NOVA1: variants seen among roughly 807,000 people sequenced by gnomAD.
The protein encoded by NOVA1 is RNA-binding protein Nova-1.
A neutral mutation model predicts 38.0 loss-of-function variants in NOVA1; 7 were observed. The ratio of observed to expected loss-of-function variants is 0.18; its 90% CI spans 0.10 to 0.35. The LOEUF (loss-of-function observed/expected upper bound fraction) is 0.35. Among genes scored for constraint, NOVA1 ranks in the 10% least tolerant of loss-of-function variants. The pLI, the probability that NOVA1 is intolerant of heterozygous loss-of-function variation, is 1.00. For missense variants in NOVA1, 460 were observed against 616.0 expected (o/e 0.75, Z 2.68); for synonymous variants, 270 against 232.5 (o/e 1.16, Z -1.47).
intron 2 of NOVA1, among the ~76,000 whole-genome samples, chr14:26,505,411 T>C (rs1168900181): frequency 6.6e-6 from 1 of 152,092 alleles, no homozygotes; most frequent in African/African-American, 2.4e-5. Flanking sequence ...CCCACTTCTC[T>C]CTCTCTCCTG....
At chr14:26,479,783 T>C in intron 3 of NOVA1, 194 bp downstream of exon 3, 1 of 483,706 alleles carries the variant, frequency 2.1e-6, no homozygotes, top group Non-Finnish European at 3.5e-6. Flanking sequence ...AATGAATAAT[T>C]CAATTGATCA....
rs1884233295 is a variant in NOVA1, at chr14:26,467,417, T to C, written c.519+4903A>G. 2.6e-5 allele frequency among the ~76,000 whole-genome samples: 4 copies of C among 152,068 alleles called. No homozygotes were observed. In the South Asian group the frequency reaches 8.3e-4, roughly 31 times the overall value. ...GGCGGAGGCAAAAATTTGACTGAAG[T>C]GGATTTAAGAATGGGAATACAGACA... On this transcript the variant is annotated intron_variant, in intron 4 of 4. Transcript: ENST00000539517.
rs1049951998 is a variant in NOVA1, at chr14:26,445,424, T to C, written c.*2535A>G. Reference sequence around the variant, plus strand: ...ATAAATTAAAATGTAATATCTTCAATTTAGCTTTCAGTTTTAACTAACATA... The same window carrying C: ...ATAAATTAAAATGTAATATCTTCAACTTAGCTTTCAGTTTTAACTAACATA... On this transcript the variant is annotated 3_prime_UTR_variant, in exon 5 of 5. Coordinates refer to ENST00000539517, the MANE Select transcript of NOVA1 (RefSeq NM_002515.3). The C allele has an allele frequency of 6.6e-6, 1 of 152,208 alleles. No individual in the cohort carries two copies. Among genetic ancestry groups the C allele is most frequent in the Non-Finnish European group, 1.5e-5 (1 of 68,034 alleles). 9.4% of individuals were successfully genotyped at this position (152,208 alleles called of 1,614,324 possible).
intron 2 of NOVA1, among the ~76,000 whole-genome samples, chr14:26,545,145 G>A (rs1890712112): frequency 6.6e-6 from 1 of 151,986 alleles, no homozygotes; most frequent in Admixed American, 6.6e-5. Context: ...AAATAAGACA[G>A]GCTCCACCCT....
chr14:26,483,892 G>C (rs1321292906), intron 2 of NOVA1, among the ~76,000 whole-genome samples: 1 of 152,118 alleles, frequency 6.6e-6, no homozygotes, highest in African/African-American at 2.4e-5. Context: ...ATTTTCACTT[G>C]AAACAAAATT....
Position 26,596,512 on chromosome 14 carries a change from G to A in NOVA1, c.136+789C>T, listed in dbSNP as rs1285158780. 3.2e-6 allele frequency: 4 copies of A among 1,268,156 alleles called. No individual in the cohort carries two copies. The African/African-American group carries it at 6.1e-5, about 19-fold the overall frequency. The allele number at this position is 1,268,156 out of a possible 1,614,324, so 78.6% of individuals were successfully genotyped here. On this transcript the variant is annotated intron_variant, in intron 1 of 4. Transcript: ENST00000539517. ...AATGTGAATGAATGTTCCAAATGTT[G>A]TGGTGTGCCACTCAAAAGACCCCCA...
chr14:26,461,344 G>C (rs1382800960), intron 4 of NOVA1, among the ~76,000 whole-genome samples: 3 of 152,088 alleles, frequency 2.0e-5, no homozygotes. Flanking sequence ...ACATTTAAAA[G>C]GGATTTTGGG....
intron 4 of NOVA1, among the ~76,000 whole-genome samples, chr14:26,460,414 T>A (rs1283893737): frequency 6.6e-6 from 1 of 151,978 alleles, no homozygotes; most frequent in African/African-American, 2.4e-5. Context: ...AGTTCATTTA[T>A]AATATTTCAT....
chr14:26,534,456 A>AAT (rs1484865845), intron 2 of NOVA1, among the ~76,000 whole-genome samples: 1 of 152,186 alleles, frequency 6.6e-6, no homozygotes, highest in Non-Finnish European at 1.5e-5. Context: ...TGAAAGAAGT[A>AAT]ATAAAATATG....
At chr14:26,514,364 T>C (rs1381820221) in intron 2 of NOVA1, among the ~76,000 whole-genome samples, 1 of 151,766 alleles carries the variant, frequency 6.6e-6, no homozygotes, top group Non-Finnish European at 1.5e-5. Flanking sequence ...TTATGGTAAA[T>C]CTGTATTCTC....
chr14:26,471,547 A>G (rs954335409), intron 4 of NOVA1, among the ~76,000 whole-genome samples: 1 of 151,910 alleles, frequency 6.6e-6, no homozygotes, highest in African/African-American at 2.4e-5. Flanking sequence ...TTTAATAAAT[A>G]TATTATTCAA....
At chr14:26,536,474 C>A (rs2138577488) in intron 2 of NOVA1, among the ~76,000 whole-genome samples, 1 of 151,598 alleles carries the variant, frequency 6.6e-6, no homozygotes, top group South Asian at 2.1e-4. Flanking sequence ...TCATGTGCTC[C>A]ATAAATATAT....
chr14:26,549,668 C>A, intron 2 of NOVA1: 1 of 1,209,150 alleles, frequency 8.3e-7, no homozygotes, highest in Non-Finnish European at 1.1e-6. Context: ...GGCAGGTACA[C>A]AAGAAACTTA....
rs1882179033 is a variant in NOVA1, at chr14:26,447,582, T to A, written c.*377A>T. On this transcript the variant is annotated 3_prime_UTR_variant, in exon 5 of 5. Coordinates refer to ENST00000539517, the MANE Select transcript of NOVA1 (RefSeq NM_002515.3). ...CCATTTTAGGTCACTGACCCCACCA[T>A]ACTCAACCTAACAGTAGTTAATTTA... 4.7e-6 allele frequency: 1 copy of A among 211,984 alleles called. No homozygotes were observed. The highest frequency in any genetic ancestry group is 9.6e-6 in the Non-Finnish European group (1 of 103,998). 13.1% of individuals were successfully genotyped at this position (211,984 alleles called of 1,614,324 possible).
chr14:26,550,826 T>C (rs769574204), intron 2 of NOVA1, among the ~76,000 whole-genome samples: 3 of 152,152 alleles, frequency 2.0e-5, no homozygotes, highest in Non-Finnish European at 4.4e-5. Context: ...TGAATCTCAC[T>C]TCCTAATTAA....
At chr14:26,460,322 AG>A (rs1883546528) in intron 4 of NOVA1, among the ~76,000 whole-genome samples, 1 of 152,000 alleles carries the variant, frequency 6.6e-6, no homozygotes, top group African/African-American at 2.4e-5. Flanking sequence ...AACATTTAAA[AG>A]ATTACTGAAA....
At position 26,492,313 on chromosome 14, in the gene NOVA1, T is replaced by C. The variant is rs565049368; in HGVS notation, c.281-12170A>G. ...GGAAGATGTCATCCGCAAATAGAGATAGTGGTACTTCTTCCTTTCCAATTT... is the reference window on the plus strand; with the variant it reads ...GGAAGATGTCATCCGCAAATAGAGACAGTGGTACTTCTTCCTTTCCAATTT... On this transcript the variant is annotated intron_variant, in intron 2 of 4. Coordinates refer to ENST00000539517, the MANE Select transcript of NOVA1 (RefSeq NM_002515.3). 2.0e-5 allele frequency among the ~76,000 whole-genome samples: 3 copies of C among 152,306 alleles called. No homozygotes were observed. The South Asian group carries it at 6.2e-4, about 32-fold the overall frequency.
rs568190599 is a variant in NOVA1 at position 26,524,736 on chromosome 14, T to A, written c.281-44593A>T. Among the ~76,000 whole-genome samples, 10 of 152,282 alleles carry A rather than the reference T, an allele frequency of 6.6e-5. No individual in the cohort carries two copies. In the East Asian group the frequency reaches 1.9e-3, roughly 29 times the overall value. On this transcript the variant is annotated intron_variant, in intron 2 of 4. Coordinates refer to ENST00000539517, the MANE Select transcript of NOVA1 (RefSeq NM_002515.3). Reference sequence around the variant, plus strand: ...AATGATGTGAAGATTTTCTCTTTAATGTGGTTTTCCATATATGGTAGAGTC... The same window carrying A: ...AATGATGTGAAGATTTTCTCTTTAAAGTGGTTTTCCATATATGGTAGAGTC...
chr14:26,481,008 G>A (rs1335106882), intron 2 of NOVA1, among the ~76,000 whole-genome samples: 51 of 152,086 alleles, frequency 3.4e-4, no homozygotes, highest in Non-Finnish European at 4.4e-5. Context: ...CTAACACACA[G>A]GTCGTATCAC....
Sources: allele counts gnomAD v4.1 joint callset (sites outside exome capture counted in the v4.1 genomes callset), GRCh38; gene constraint gnomAD v4.1.1; transcripts MANE v1.5; gene names NCBI Gene and HGNC (gene_info 2026-07-23, HGNC 2026-07-21).